Variants in PRTFDC1 observed in about 807,000 individuals in gnomAD.
PRTFDC1 encodes phosphoribosyl transferase domain containing 1.
A neutral mutation model predicts 34.6 loss-of-function variants in PRTFDC1; 38 were observed. The observed-to-expected ratio is 1.10, with a 90% CI of 0.85 to 1.44. PRTFDC1 has a LOEUF of 1.44. PRTFDC1 is among the 40% of genes most tolerant of loss of function. PRTFDC1 has a pLI of 0.00. For synonymous variants in PRTFDC1, 93 were observed against 98.1 expected (o/e 0.95, Z 0.31); for missense variants, 270 against 283.0 (o/e 0.95, Z 0.33).
At chr10:24,898,302 A>C (rs1848399900) in intron 3 of PRTFDC1, among the ~76,000 whole-genome samples, 1 of 150,888 alleles carries the variant, frequency 6.6e-6, no homozygotes, top group Admixed American at 6.6e-5. Flanking sequence ...AAAAAAAAAA[A>C]AAAACACAAA....
chr10:24,906,495 CAGAG>C (rs1848538093), intron 3 of PRTFDC1, among the ~76,000 whole-genome samples: 1 of 152,136 alleles, frequency 6.6e-6, no homozygotes, highest in South Asian at 2.1e-4. Context: ...GTCCCAGACA[CAGAG>C]GGAGTATGCT....
At chr10:24,918,867 G>T (rs558864615) in intron 3 of PRTFDC1, among the ~76,000 whole-genome samples, 1 of 152,110 alleles carries the variant, frequency 6.6e-6, no homozygotes, top group African/African-American at 2.4e-5. Context: ...CAAAGTGAAC[G>T]GTGGTAATGG....
chr10:24,935,917 C>T (rs1280841714), intron 3 of PRTFDC1, among the ~76,000 whole-genome samples: 2 of 152,158 alleles, frequency 1.3e-5, no homozygotes, highest in Admixed American at 6.5e-5. Flanking sequence ...ATCTTGAAAA[C>T]CTCAGATGAT....
intron 4 of PRTFDC1, among the ~76,000 whole-genome samples, chr10:24,866,966 T>C (rs1847790794): frequency 7.4e-6 from 1 of 135,146 alleles, no homozygotes; most frequent in Non-Finnish European, 1.6e-5. Context: ...GGGTTCAAAG[T>C]AAAAAATGTT....
chr10:24,908,358 T>C, intron 3 of PRTFDC1: 1 of 1,079,094 alleles, frequency 9.3e-7, no homozygotes, highest in Non-Finnish European at 1.3e-6. Flanking sequence ...TTGATATTTT[T>C]CATAACCTCA....
chr10:24,856,319 G>A (rs747280390), intron 6 of PRTFDC1, among the ~76,000 whole-genome samples: 1 of 151,616 alleles, frequency 6.6e-6, no homozygotes, highest in Non-Finnish European at 1.5e-5. Context: ...GGGTGCAGTG[G>A]CTCGTGCCTG....
At chr10:24,928,981 A>C (rs528896021) in intron 3 of PRTFDC1, among the ~76,000 whole-genome samples, 2 of 147,310 alleles carry the variant, frequency 1.4e-5, no homozygotes, top group Non-Finnish European at 3.0e-5. Flanking sequence ...CGGAGCTTGC[A>C]GTGAGTCGAG....
intron 3 of PRTFDC1, among the ~76,000 whole-genome samples, chr10:24,883,746 A>G (rs762989361): frequency 2.0e-5 from 3 of 151,488 alleles, no homozygotes; most frequent in Non-Finnish European, 4.4e-5. Context: ...AAGACTCCCC[A>G]AAGACTCCAG....
intron 7 of PRTFDC1, among the ~76,000 whole-genome samples, chr10:24,853,655 G>A (rs2132486954): frequency 6.6e-6 from 1 of 152,122 alleles, no homozygotes; most frequent in South Asian, 2.1e-4. Flanking sequence ...TTGTAACCAG[G>A]GTTATAATAA....
rs745486432 is a variant in PRTFDC1, at chr10:24,952,606, C to T, written c.-31G>A. The T allele has an allele frequency of 1.1e-5, 14 of 1,332,390 alleles. No homozygotes were observed. The highest frequency in any genetic ancestry group is 6.7e-5 in the Admixed American group (3 of 45,008). The allele number at this position is 1,332,390 out of a possible 1,614,324, so 82.5% of individuals were successfully genotyped here. ...TCCCGGGGAACGCGGGAAGGGAAGACGGCGCGGGAAGGAGCAGGGAGGGCG... is the reference window on the plus strand; with the variant it reads ...TCCCGGGGAACGCGGGAAGGGAAGATGGCGCGGGAAGGAGCAGGGAGGGCG... On this transcript the variant is annotated 5_prime_UTR_variant, in exon 1 of 9. Coordinates refer to ENST00000320152, the MANE Select transcript of PRTFDC1 (RefSeq NM_020200.7). This position sits in a 1 kb window ranked among gnomAD's most constrained non-coding sequence, Gnocchi z 5.1.
chr10:24,866,830 AAGAG>A (rs1847788040), intron 4 of PRTFDC1, among the ~76,000 whole-genome samples: 2 of 151,634 alleles, frequency 1.3e-5, no homozygotes, highest in African/African-American at 4.9e-5. Flanking sequence ...GAGAGAAAGG[AAGAG>A]AGAGAAAGGA....
At chr10:24,851,970 A>G (rs1847498666) in intron 7 of PRTFDC1, among the ~76,000 whole-genome samples, 1 of 152,022 alleles carries the variant, frequency 6.6e-6, no homozygotes, top group South Asian at 2.1e-4. Context: ...AGCAAAAGCC[A>G]GGACACAAGA....
At chr10:24,902,967 C>A (rs570211117) in intron 3 of PRTFDC1, among the ~76,000 whole-genome samples, 1 of 152,134 alleles carries the variant, frequency 6.6e-6, no homozygotes, top group African/African-American at 2.4e-5. Flanking sequence ...GAGGCCAAGG[C>A]GGGTGGATCA....
intron 3 of PRTFDC1, among the ~76,000 whole-genome samples, chr10:24,910,125 C>T (rs536324415): frequency 6.6e-6 from 1 of 152,228 alleles, no homozygotes; most frequent in East Asian, 1.9e-4. Flanking sequence ...CGTGCCACTG[C>T]ACTCCAGCCT....
At position 24,931,871 on chromosome 10, in the gene PRTFDC1, C is replaced by A. The variant is rs146771818; in HGVS notation, c.339+5313G>T. On this transcript the variant is annotated intron_variant, in intron 3 of 8. Transcript: ENST00000320152. The stretch of plus-strand genomic sequence containing the variant: ...ATACTTCCCAGTTTATTTTAAAAGA[C>A]CAATATAAGCCTGATACCAGAATCA... Among the ~76,000 whole-genome samples, 1,455 of 148,660 alleles carry A rather than the reference C, an allele frequency of 9.8e-3. 31 individuals carry two copies. Among genetic ancestry groups the A allele is most frequent in the African/African-American group, 0.035 (1,398 of 40,304 alleles).
At chr10:24,853,601 A>AAATAAT (rs1243225841) in intron 7 of PRTFDC1, among the ~76,000 whole-genome samples, 1 of 151,802 alleles carries the variant, frequency 6.6e-6, no homozygotes, top group Non-Finnish European at 1.5e-5. Flanking sequence ...ATTCCGTCTC[A>AAATAAT]AATAATAATA....
At chr10:24,902,061 G>C (rs1271935347) in intron 3 of PRTFDC1, among the ~76,000 whole-genome samples, 1 of 152,214 alleles carries the variant, frequency 6.6e-6, no homozygotes, top group African/African-American at 2.4e-5. Context: ...TCCCTGCACA[G>C]CTGCAGTGGT....
At chr10:24,908,456 C>T (rs751851872) in intron 3 of PRTFDC1, 10 of 1,590,642 alleles carry the variant, frequency 6.3e-6, no homozygotes, top group Admixed American at 1.7e-5. Flanking sequence ...AGACAGTGAG[C>T]CCTAGAATGG....
chr10:24,908,624 C>G, intron 3 of PRTFDC1: 1 of 1,612,416 alleles, frequency 6.2e-7, no homozygotes, highest in Non-Finnish European at 8.5e-7. Flanking sequence ...ACTCATATAC[C>G]CTTGACTGAA....
Sources: gnomAD v4.1 joint callset for allele counts (sites outside exome capture counted in the v4.1 genomes callset) on GRCh38, gnomAD v4.1.1 for gene constraint, Gnocchi (gnomAD v3.1) non-coding constraint, MANE v1.5 for transcripts, NCBI Gene and HGNC (gene_info 2026-07-23, HGNC 2026-07-21) for gene names.